Variants in AGBL1 observed in about 807,000 individuals in gnomAD.
The protein encoded by AGBL1 is cytosolic carboxypeptidase 4.
AGBL1 carries 130 observed loss-of-function variants against 118.9 expected under a neutral mutation model. The observed-to-expected ratio is 1.09, with a 90% CI of 0.95 to 1.26. The LOEUF (loss-of-function observed/expected upper bound fraction) is 1.26, where lower values mean the gene tolerates loss of function less well. AGBL1 is among the 50% of genes most tolerant of loss of function. The probability of loss-of-function intolerance (pLI) is 0.00; values close to 1 mark genes in which losing one functional copy is unlikely to be tolerated. For missense variants in AGBL1, 1,584 were observed against 1,298.1 expected, an observed-to-expected ratio of 1.22 and a Z score of -3.38; for synonymous variants, 555 against 478.9, an observed-to-expected ratio of 1.16 and a Z score of -2.08.
chr15:86,390,134 A>G (rs1286429123), intron 17 of AGBL1, among the ~76,000 whole-genome samples: 4 of 152,216 alleles, frequency 2.6e-5, no homozygotes, highest in Non-Finnish European at 5.9e-5. Context: ...CACAAAGGAG[A>G]CATTAAGGCA....
rs183957632 is a variant in AGBL1, at chr15:86,763,334, A to T, written c.3158+88898A>T. The stretch of plus-strand genomic sequence containing the variant: ...GGTTCTCAGGATGTATCACTAAAGA[A>T]CTATTTAACTCACAAAGTGGCTGAG... On this transcript the variant is annotated intron_variant, in intron 22 of 22. Coordinates refer to ENST00000614907, the MANE Select transcript of AGBL1 (RefSeq NM_001386094.1). Among the ~76,000 whole-genome samples, 434 of 152,168 alleles carry T rather than the reference A, an allele frequency of 2.9e-3. 8 individuals are homozygous for T. The highest frequency in any genetic ancestry group is 1.4e-3 in the East Asian group (7 of 5,148).
intron 18 of AGBL1, among the ~76,000 whole-genome samples, chr15:86,443,870 AC>A (rs1567263395): frequency 1.3e-5 from 2 of 151,690 alleles, no homozygotes; most frequent in East Asian, 1.9e-4. Flanking sequence ...ACTTGGGTTG[AC>A]TCCTCTATAT....
rs1159396436 is a variant in AGBL1 at position 86,200,561 on chromosome 15, C to T, written c.489-24353C>T. Reference sequence around the variant, plus strand: ...AGTAATAGACCCCTACCCCCCCCCCCCTTTTTTTTTTGCTCCCATCATGGT... The same window carrying T: ...AGTAATAGACCCCTACCCCCCCCCCTCTTTTTTTTTTGCTCCCATCATGGT... On this transcript the variant is annotated intron_variant, in intron 5 of 22. Transcript: ENST00000614907. Among the ~76,000 whole-genome samples, 155 of 119,886 alleles carry T rather than the reference C, an allele frequency of 1.3e-3. 2 individuals are homozygous for T. The highest frequency in any genetic ancestry group is 1.9e-3 in the Non-Finnish European group (114 of 58,844). The allele number at this position is 119,886 out of a possible 152,430, so 78.6% of individuals were successfully genotyped here. A position where few individuals can be genotyped will look rare whatever the true frequency, so the allele number is the denominator to read the frequency against.
intron 23 of AGBL1, chr15:86,946,433 A>G (rs2080822049): frequency 1.3e-5 from 2 of 152,174 alleles, no homozygotes; most frequent in Non-Finnish European, 2.9e-5. Context: ...TATAGTATAT[A>G]TAATCTACTT....
chr15:86,378,398 T>C (rs1003947147), intron 17 of AGBL1, among the ~76,000 whole-genome samples: 1 of 152,136 alleles, frequency 6.6e-6, no homozygotes, highest in Admixed American at 6.5e-5. Context: ...GGCCTTCCTC[T>C]CTTGCCACTT....
chr15:86,376,287 C>T (rs893289960), intron 17 of AGBL1, among the ~76,000 whole-genome samples: 23 of 152,208 alleles, frequency 1.5e-4, no homozygotes, highest in African/African-American at 5.3e-4. Context: ...TTCTGCAAAA[C>T]TGCCCTCACT....
chr15:86,840,921 G>A (rs1218208308), intron 22 of AGBL1, among the ~76,000 whole-genome samples: 1 of 152,084 alleles, frequency 6.6e-6, no homozygotes, highest in African/African-American at 2.4e-5. Flanking sequence ...TTCAATGGAA[G>A]GTGCACAATC....
chr15:86,224,891 T>G, intron 5 of AGBL1, 23 bp from the exon 6 acceptor site: 1 of 1,612,640 alleles, frequency 6.2e-7, no homozygotes, highest in Non-Finnish European at 8.5e-7. Context: ...TGTTGACTGT[T>G]ACTTTTCTTT....
chr15:86,287,195 AG>A (rs917307740), intron 16 of AGBL1, among the ~76,000 whole-genome samples: 41 of 152,026 alleles, frequency 2.7e-4, no homozygotes, highest in Admixed American at 2.3e-3. Flanking sequence ...CATTTTTATA[AG>A]GTTGTTTGTT....
intron 5 of AGBL1, among the ~76,000 whole-genome samples, chr15:86,193,778 G>A (rs1482225291): frequency 6.6e-6 from 1 of 152,150 alleles, no homozygotes; most frequent in South Asian, 2.1e-4. Context: ...AATTTTGGAG[G>A]CTGTTCAAAA....
At chr15:86,341,365 T>A (rs2080459274) in intron 17 of AGBL1, among the ~76,000 whole-genome samples, 1 of 127,290 alleles carries the variant, frequency 7.9e-6, no homozygotes, top group African/African-American at 2.8e-5. Flanking sequence ...GCTCCAAGTT[T>A]AGGATGTAGG....
chr15:86,261,838 A>G (rs953778497), intron 9 of AGBL1, among the ~76,000 whole-genome samples: 5 of 152,076 alleles, frequency 3.3e-5, no homozygotes, highest in Non-Finnish European at 7.4e-5. Context: ...CCAATAAATA[A>G]AAGACTCACG....
chr15:86,550,828 T>A (rs1040285347), intron 20 of AGBL1, among the ~76,000 whole-genome samples: 1 of 151,960 alleles, frequency 6.6e-6, no homozygotes, highest in Non-Finnish European at 1.5e-5. Flanking sequence ...GATCTTATAA[T>A]AGGCTATTAA....
At chr15:86,896,820 G>A (rs1272270983) in intron 22 of AGBL1, among the ~76,000 whole-genome samples, 2 of 151,874 alleles carry the variant, frequency 1.3e-5, no homozygotes, top group Admixed American at 6.6e-5. Context: ...TTAGTTATAT[G>A]TTTATTATAA....
chr15:86,572,932 A>G (rs1448795823), intron 21 of AGBL1, among the ~76,000 whole-genome samples: 1 of 152,224 alleles, frequency 6.6e-6, no homozygotes, highest in Non-Finnish European at 1.5e-5. Flanking sequence ...TCTGCAATCT[A>G]ATAGAGCAGC....
chr15:86,086,283 TCAAA>T (rs1895647151), intron 1 of AGBL1: 1 of 152,100 alleles, frequency 6.6e-6, no homozygotes. Context: ...CAGCTATGAA[TCAAA>T]CAGACTGGAC....
intron 21 of AGBL1, among the ~76,000 whole-genome samples, chr15:86,631,359 A>G (rs1297590152): frequency 1.3e-5 from 2 of 152,172 alleles, no homozygotes; most frequent in East Asian, 1.9e-4. Flanking sequence ...CTTAACAAAC[A>G]TTTCAATTTT....
chr15:86,858,794 T>C (rs1023088572), intron 22 of AGBL1, among the ~76,000 whole-genome samples: 5 of 152,126 alleles, frequency 3.3e-5, no homozygotes, highest in Admixed American at 2.0e-4. Context: ...TGTGTACTTG[T>C]ATGTGAATTA....
At chr15:86,483,651 T>G (rs1424199032) in intron 18 of AGBL1, among the ~76,000 whole-genome samples, 1 of 152,076 alleles carries the variant, frequency 6.6e-6, no homozygotes, top group East Asian at 1.9e-4. Context: ...GATGATTACT[T>G]AACTCTGCCC....
Sources: gnomAD v4.1 joint callset for allele counts (sites outside exome capture counted in the v4.1 genomes callset) on GRCh38, gnomAD v4.1.1 for gene constraint, MANE v1.5 for transcripts, NCBI Gene and HGNC (gene_info 2026-07-23, HGNC 2026-07-21) for gene names.